Variants in JAKMIP1 observed in about 807,000 individuals in gnomAD.
JAKMIP1 encodes the protein janus kinase and microtubule-interacting protein 1.
In JAKMIP1, 33 loss-of-function variants were observed where a neutral mutation model predicts 113.0. That is an observed-to-expected ratio of 0.29 (90% CI 0.22 to 0.39). JAKMIP1 has a LOEUF of 0.39. JAKMIP1 is among the 10% of genes least tolerant of loss of function. The pLI is 1.00. For missense variants in JAKMIP1, 813 were observed against 1,080.5 expected (o/e 0.75, Z 3.47); for synonymous variants, 480 against 459.9 (o/e 1.04, Z -0.56).
chr4:6,198,285 C>T (rs1019274287), intron 1 of JAKMIP1, among the ~76,000 whole-genome samples: 1 of 151,248 alleles, frequency 6.6e-6, no homozygotes, highest in African/African-American at 2.4e-5. Context: ...TCGTTCTCCA[C>T]ATACTCAAGG....
chr4:6,101,732 C>CAAAAA (rs56084278), intron 3 of JAKMIP1, among the ~76,000 whole-genome samples: 11 of 96,562 alleles, frequency 1.1e-4, no homozygotes, highest in East Asian at 8.9e-4. Flanking sequence ...ACTAAAAATA[C>CAAAAA]AAAAAAAAAA....
rs146193497 is a variant in JAKMIP1 at position 6,046,032 on chromosome 4, AC to A, written c.2028+2824del. On this transcript the variant is annotated intron_variant, in intron 16 of 20. Coordinates refer to ENST00000409021, the MANE Select transcript of JAKMIP1 (RefSeq NM_001099433.2). Reference sequence around the variant, plus strand: ...CCTGGCAGTGACATTGCAGGTGCTCACCCCCTTTGCAAACTTCCCTGCAGTG... The same window carrying A: ...CCTGGCAGTGACATTGCAGGTGCTCACCCCTTTGCAAACTTCCCTGCAGTG... Among the ~76,000 whole-genome samples the A allele has an allele frequency of 8.3e-3, 1,261 of 152,214 alleles. 10 individuals carry two copies. The highest frequency in any genetic ancestry group is 0.013 in the Non-Finnish European group (876 of 67,986).
intron 1 of JAKMIP1, among the ~76,000 whole-genome samples, chr4:6,122,137 A>G (rs2108910669): frequency 6.6e-6 from 1 of 152,204 alleles, no homozygotes; most frequent in African/African-American, 2.4e-5. Flanking sequence ...TTGATGTCAG[A>G]AGTTCAAGAC....
chr4:6,104,499 G>C (rs1182953466), intron 3 of JAKMIP1, among the ~76,000 whole-genome samples: 1 of 152,210 alleles, frequency 6.6e-6, no homozygotes, highest in Non-Finnish European at 1.5e-5. Context: ...TTTGCTTTTA[G>C]GAAGTGCTTG....
At chr4:6,041,926 C>G (rs6446444) in intron 17 of JAKMIP1, among the ~76,000 whole-genome samples, 39,526 of 152,130 alleles carry the variant, frequency 0.26, 8,516 homozygotes, top group African/African-American at 0.59. Context: ...TCTAATCCTG[C>G]CATAGCACCT....
intron 19 of JAKMIP1, 95 bp downstream of exon 19, chr4:6,035,809 G>T: frequency 9.3e-7 from 1 of 1,072,410 alleles, no homozygotes; most frequent in Non-Finnish European, 1.3e-6. Flanking sequence ...CCTGGAATGA[G>T]CCTGGGGCAC....
At chr4:6,063,697 C>T (rs1386358966) in intron 9 of JAKMIP1, among the ~76,000 whole-genome samples, 1 of 152,214 alleles carries the variant, frequency 6.6e-6, no homozygotes, top group Non-Finnish European at 1.5e-5. Flanking sequence ...ATAGCATGTG[C>T]CACATTTTCC....
In JAKMIP1 at chr4:6,181,709, A is replaced by G. The variant is rs1726042707; in HGVS notation, c.-148+18544T>C. ...AGCAGCAGCAACGCAAGCTCCATTC[A>G]TTCATTCATTCATTCAACAGCATCC... On this transcript the variant is annotated intron_variant, in intron 1 of 20. Coordinates refer to ENST00000409021, the MANE Select transcript of JAKMIP1 (RefSeq NM_001099433.2). This position sits in a 1 kb window ranked among gnomAD's most constrained non-coding sequence, Gnocchi z 5.4. Among the ~76,000 whole-genome samples the G allele has an allele frequency of 6.6e-6, 1 of 152,208 alleles. No individual in the cohort carries two copies. The highest frequency in any genetic ancestry group is 6.5e-5 in the Admixed American group (1 of 15,272).
rs12650136 is a variant in JAKMIP1 at position 6,058,121 on chromosome 4, G to A, written c.1645-1362C>T. ...GTGCTTGCTGGATGAATGGACACAG[G>A]CTCAGCCTCAGACAGGTGCCATCCT... On this transcript the variant is annotated intron_variant, in intron 11 of 20. Transcript: ENST00000409021. 1.7e-3 allele frequency among the ~76,000 whole-genome samples: 258 copies of A among 152,330 alleles called. 4 individuals carry two copies. In the East Asian group the frequency reaches 0.044, roughly 26 times the overall value.
chr4:6,039,546 C>CA (rs1481334895), intron 18 of JAKMIP1, among the ~76,000 whole-genome samples: 2 of 152,152 alleles, frequency 1.3e-5, no homozygotes, highest in African/African-American at 4.8e-5. Flanking sequence ...TCAAAAGCAC[C>CA]AAGCCTGGAC....
chr4:6,032,753 A>G (rs1035339557), intron 19 of JAKMIP1, among the ~76,000 whole-genome samples: 2 of 152,238 alleles, frequency 1.3e-5, no homozygotes, highest in East Asian at 3.8e-4. Context: ...AGAGGTGGAC[A>G]ATGCAGCTGT....
chr4:6,027,452 G>A (rs1284011768), intron 20 of JAKMIP1, among the ~76,000 whole-genome samples: 1 of 152,182 alleles, frequency 6.6e-6, no homozygotes, highest in Admixed American at 6.5e-5. Context: ...ACCATCCAGT[G>A]GGGGTGTGGC....
In JAKMIP1 at chr4:6,046,203, G is replaced by C. The variant is rs1484666776; in HGVS notation, c.2028+2654C>G. Among the ~76,000 whole-genome samples, 4 of 152,176 alleles carry C rather than the reference G, an allele frequency of 2.6e-5. 1 individual carries two copies. The highest frequency in any genetic ancestry group is 1.3e-4 in the Admixed American group (2 of 15,290). Reference sequence around the variant, plus strand: ...CCTAGTGGTCCTGCCAGGTTCTCAGGGGGTCCTGCTGATGCAGTTCCCACC... The same window carrying C: ...CCTAGTGGTCCTGCCAGGTTCTCAGCGGGTCCTGCTGATGCAGTTCCCACC... On this transcript the variant is annotated intron_variant, in intron 16 of 20. Transcript: ENST00000409021.
intron 1 of JAKMIP1, among the ~76,000 whole-genome samples, chr4:6,174,926 T>C (rs1725162905): frequency 6.6e-6 from 1 of 152,210 alleles, no homozygotes; most frequent in East Asian, 1.9e-4. Context: ...CTCAACCATG[T>C]GGAGTTCTGA....
intron 1 of JAKMIP1, among the ~76,000 whole-genome samples, chr4:6,174,982 C>T (rs1725167407): frequency 6.6e-6 from 1 of 152,132 alleles, no homozygotes; most frequent in African/African-American, 2.4e-5. Flanking sequence ...TTCTGAGAAA[C>T]AAAAAACAGT....
chr4:6,162,865 C>A lies in JAKMIP1; in HGVS notation c.-148+37388G>T, dbSNP rs1051809729. ...GAATCCAAAGCCACTCACTGCCACT[C>A]CCTCCCATCACCAAAGAAAGCACAT... On this transcript the variant is annotated intron_variant, in intron 1 of 20. Coordinates refer to ENST00000409021, the MANE Select transcript of JAKMIP1 (RefSeq NM_001099433.2). The surrounding 1 kb of genome is among the most constrained non-coding windows in gnomAD (Gnocchi z 5.6). Among the ~76,000 whole-genome samples the A allele has an allele frequency of 6.6e-6, 1 of 152,178 alleles. No homozygotes were observed.
Position 6,042,281 on chromosome 4 carries a change from G to A in JAKMIP1, c.2029-54C>T, listed in dbSNP as rs965539768. The A allele has an allele frequency of 1.6e-5, 22 of 1,416,218 alleles. No homozygotes were observed. In the South Asian group the frequency reaches 2.4e-4, roughly 16 times the overall value. The allele number at this position is 1,416,218 out of a possible 1,614,324, so 87.7% of individuals were successfully genotyped here. ...CAGCAAAGTGAGAGTCAGAACCCAA[G>A]GGGCTGTGGAATTTCACAGGTGTGT... On this transcript the variant is annotated intron_variant, in intron 16 of 20. Coordinates refer to ENST00000409021, the MANE Select transcript of JAKMIP1 (RefSeq NM_001099433.2). The surrounding 1 kb of genome is among the most constrained non-coding windows in gnomAD (Gnocchi z 5.2).
At position 6,168,065 on chromosome 4, in the gene JAKMIP1, A is replaced by G. The variant is rs183947626; in HGVS notation, c.-148+32188T>C. Among the ~76,000 whole-genome samples, 6 of 152,290 alleles carry G rather than the reference A, an allele frequency of 3.9e-5. No individual in the cohort carries two copies. Among genetic ancestry groups the G allele is most frequent in the Admixed American group, 3.9e-4 (6 of 15,306 alleles). On this transcript the variant is annotated intron_variant, in intron 1 of 20. Transcript: ENST00000409021. The surrounding 1 kb of genome is among the most constrained non-coding windows in gnomAD (Gnocchi z 4.6). The stretch of plus-strand genomic sequence containing the variant: ...GCTCAACGTCATCAGCCCTCAGGGT[A>G]ATACCAATCAAAACCGCAGTGAGAC...
At position 6,062,497 on chromosome 4, in the gene JAKMIP1, A is replaced by C. The variant is rs1578127206; in HGVS notation, c.1432-57T>G. 5.8e-6 allele frequency: 9 copies of C among 1,542,764 alleles called. No individual in the cohort carries two copies. The East Asian group carries it at 2.1e-4, about 35-fold the overall frequency. Reference sequence around the variant, plus strand: ...AAGTGCAAAATTACAATAATAAATGATTTATGATTGATTTTAATAATAAAC... The same window carrying C: ...AAGTGCAAAATTACAATAATAAATGCTTTATGATTGATTTTAATAATAAAC... On this transcript the variant is annotated intron_variant, in intron 9 of 20. Coordinates refer to ENST00000409021, the MANE Select transcript of JAKMIP1 (RefSeq NM_001099433.2).
Sources: allele counts gnomAD v4.1 joint callset (sites outside exome capture counted in the v4.1 genomes callset), GRCh38; gene constraint gnomAD v4.1.1; non-coding constraint Gnocchi (gnomAD v3.1); transcripts MANE v1.5; gene names NCBI Gene and HGNC (gene_info 2026-07-23, HGNC 2026-07-21).